MBOAT2: variants seen among roughly 807,000 people sequenced by gnomAD.
MBOAT2 encodes membrane bound glycerophospholipid O-acyltransferase 2.
A neutral mutation model predicts 63.4 loss-of-function variants in MBOAT2; 28 were observed. That is an observed-to-expected ratio of 0.44 (90% CI 0.33 to 0.61). The LOEUF (loss-of-function observed/expected upper bound fraction) is 0.61. MBOAT2 is among the 20% of genes least tolerant of loss of function. The pLI is 0.03. For missense variants in MBOAT2, 470 were observed against 605.8 expected (o/e 0.78, Z 2.35); for synonymous variants, 211 against 215.6 (o/e 0.98, Z 0.19).
chr2:8,938,600 A>G (rs1001690250), intron 3 of MBOAT2, among the ~76,000 whole-genome samples: 7 of 150,098 alleles, frequency 4.7e-5, no homozygotes, highest in African/African-American at 2.5e-5. Flanking sequence ...GTTTCATGCC[A>G]CCGTGTTTCA....
At chr2:8,909,697 G>C (rs1665571293) in intron 3 of MBOAT2, among the ~76,000 whole-genome samples, 1 of 152,134 alleles carries the variant, frequency 6.6e-6, no homozygotes, top group Non-Finnish European at 1.5e-5. Context: ...AATTATTCCT[G>C]AGCAAAGAAC....
intron 1 of MBOAT2, among the ~76,000 whole-genome samples, chr2:9,000,760 A>G (rs894077731): frequency 2.6e-5 from 4 of 152,260 alleles, no homozygotes; most frequent in Admixed American, 2.6e-4. Context: ...ACACCACTGT[A>G]GACTTCATAA....
intron 1 of MBOAT2, among the ~76,000 whole-genome samples, chr2:8,981,253 G>C (rs932667293): frequency 6.6e-6 from 1 of 152,192 alleles, no homozygotes; most frequent in Non-Finnish European, 1.5e-5. Context: ...TTAGACAGCA[G>C]TGATAGTTGC....
At chr2:8,902,199 C>T (rs193011038) in intron 4 of MBOAT2, among the ~76,000 whole-genome samples, 50 of 152,298 alleles carry the variant, frequency 3.3e-4, no homozygotes, top group Admixed American at 3.9e-4. Context: ...CGTAGTCCAG[C>T]GGCCGTGCTA....
chr2:8,989,985 G>A (rs1056547349), intron 1 of MBOAT2, among the ~76,000 whole-genome samples: 1 of 152,182 alleles, frequency 6.6e-6, no homozygotes, highest in African/African-American at 2.4e-5. Flanking sequence ...GGGATGCTAC[G>A]TTGCAGAACC....
chr2:8,873,054 A>C, intron 8 of MBOAT2, 54 bp downstream of exon 8: 2 of 1,507,128 alleles, frequency 1.3e-6, no homozygotes, highest in Non-Finnish European at 1.8e-6. Flanking sequence ...ATCTATCGAC[A>C]AGGTAAGAAA....
intron 1 of MBOAT2, among the ~76,000 whole-genome samples, chr2:8,992,811 C>T (rs548601998): frequency 7.5e-4 from 115 of 152,320 alleles, no homozygotes; most frequent in South Asian, 4.3e-3. Flanking sequence ...ATGTGGTCCA[C>T]GGGGTTGGCA....
chr2:8,943,634 G>A (rs189200373), intron 2 of MBOAT2, among the ~76,000 whole-genome samples: 2 of 152,140 alleles, frequency 1.3e-5, no homozygotes, highest in East Asian at 3.9e-4. Context: ...ACAGAACATC[G>A]GTTGTTTCCC....
chr2:8,880,636 A>G (rs1007104305), intron 6 of MBOAT2, among the ~76,000 whole-genome samples: 2 of 152,234 alleles, frequency 1.3e-5, no homozygotes, highest in African/African-American at 4.8e-5. Flanking sequence ...AACGAAGTCC[A>G]GGGCTGAGGC....
At chr2:8,911,997 T>C (rs940911368) in intron 3 of MBOAT2, among the ~76,000 whole-genome samples, 4 of 152,080 alleles carry the variant, frequency 2.6e-5, no homozygotes, top group Non-Finnish European at 4.4e-5. Flanking sequence ...AATCACATGA[T>C]ATCTCAACAG....
At chr2:8,944,455 G>T (rs1038236896) in intron 2 of MBOAT2, among the ~76,000 whole-genome samples, 9 of 152,048 alleles carry the variant, frequency 5.9e-5, no homozygotes, top group African/African-American at 1.7e-4. Context: ...ACTACTAAGG[G>T]TGTTAACCTA....
At chr2:8,985,086 A>T (rs534079672) in intron 1 of MBOAT2, among the ~76,000 whole-genome samples, 1 of 135,720 alleles carries the variant, frequency 7.4e-6, no homozygotes, top group Non-Finnish European at 1.7e-5. Context: ...CCTCAGGGGA[A>T]AAAAAAAACT....
intron 1 of MBOAT2, among the ~76,000 whole-genome samples, chr2:8,979,777 C>T (rs1671075135): frequency 1.3e-5 from 2 of 152,072 alleles, no homozygotes; most frequent in Non-Finnish European, 2.9e-5. Context: ...GGCAAGAGAT[C>T]AACATAGATT....
At chr2:8,938,615 G>A (rs1035296313) in intron 3 of MBOAT2, among the ~76,000 whole-genome samples, 4 of 151,706 alleles carry the variant, frequency 2.6e-5, no homozygotes, top group African/African-American at 9.7e-5. Flanking sequence ...GTTTCATGCT[G>A]CCACGTTTCA....
chr2:8,860,313 A>G (rs767708363), intron 12 of MBOAT2, among the ~76,000 whole-genome samples: 19 of 151,748 alleles, frequency 1.3e-4, no homozygotes, highest in South Asian at 2.1e-4. Flanking sequence ...TTTTTTCCCC[A>G]AAGAAGTTCA....
intron 3 of MBOAT2, among the ~76,000 whole-genome samples, chr2:8,912,875 G>A (rs372251767): frequency 6.6e-5 from 10 of 152,134 alleles, no homozygotes; most frequent in South Asian, 2.1e-4. Context: ...AAAAGAGCCC[G>A]CATAGCCAAA....
chr2:8,891,511 G>A (rs559001266), intron 4 of MBOAT2, among the ~76,000 whole-genome samples: 12 of 152,214 alleles, frequency 7.9e-5, no homozygotes, highest in Non-Finnish European at 1.8e-4. Context: ...GGTAACTGCA[G>A]TGGGCTTTCT....
intron 12 of MBOAT2, among the ~76,000 whole-genome samples, chr2:8,859,210 G>C (rs536740874): frequency 6.6e-6 from 1 of 152,082 alleles, no homozygotes; most frequent in African/African-American, 2.4e-5. Flanking sequence ...TATTAATACC[G>C]GTAGCAATCT....
chr2:8,941,800 G>A (rs1343475326), intron 3 of MBOAT2, among the ~76,000 whole-genome samples: 2 of 152,146 alleles, frequency 1.3e-5, no homozygotes, highest in African/African-American at 2.4e-5. Context: ...TAACTTCACC[G>A]ACTGCAACTG....
Sources: gnomAD v4.1 joint callset for allele counts (sites outside exome capture counted in the v4.1 genomes callset) on GRCh38, gnomAD v4.1.1 for gene constraint, MANE v1.5 for transcripts, NCBI Gene and HGNC (gene_info 2026-07-23, HGNC 2026-07-21) for gene names.